KSR2: variants seen among roughly 807,000 people sequenced by gnomAD.
The protein encoded by KSR2 is kinase suppressor of ras 2.
KSR2 carries 25 observed loss-of-function variants against 107.8 expected under a neutral mutation model. The observed-to-expected ratio is 0.23, with a 90% confidence interval of 0.17 to 0.32. The LOEUF (loss-of-function observed/expected upper bound fraction) is 0.32. Among genes scored for constraint, KSR2 ranks in the 10% least tolerant of loss-of-function variants. The pLI is 1.00. For synonymous variants in KSR2, 480 were observed against 507.0 expected, an observed-to-expected ratio of 0.95 and a Z score of 0.71; for missense variants, 887 against 1,268.9, an observed-to-expected ratio of 0.70 and a Z score of 4.57.
At chr12:117,532,803 A>C (rs11068532) in intron 10 of KSR2, among the ~76,000 whole-genome samples, 3,756 of 152,258 alleles carry the variant, frequency 0.025, 163 homozygotes, top group African/African-American at 0.086. Flanking sequence ...CAGGGGACAC[A>C]GAGATTTGTG....
At chr12:117,964,684 G>T (rs375264638) in intron 1 of KSR2, among the ~76,000 whole-genome samples, 13 of 152,144 alleles carry the variant, frequency 8.5e-5, no homozygotes, top group African/African-American at 2.9e-4. Flanking sequence ...CCTTGAAAAC[G>T]TTATCTCTTT....
chr12:117,676,157 T>A (rs1035133345), intron 4 of KSR2, among the ~76,000 whole-genome samples: 2 of 152,144 alleles, frequency 1.3e-5, no homozygotes, highest in African/African-American at 2.4e-5. Context: ...CAAAGCCCCA[T>A]TAAGTGTAAC....
intron 1 of KSR2, among the ~76,000 whole-genome samples, chr12:117,864,569 T>C (rs996092596): frequency 7.2e-5 from 11 of 152,268 alleles, no homozygotes; most frequent in African/African-American, 2.6e-4. Flanking sequence ...GTTGGATGAT[T>C]CGAACAGCAA....
intron 14 of KSR2, among the ~76,000 whole-genome samples, chr12:117,488,256 C>T (rs547497063): frequency 5.9e-4 from 89 of 152,132 alleles, no homozygotes; most frequent in Non-Finnish European, 9.8e-4. Context: ...TTATTAGCAG[C>T]GTGAAAACGG....
chr12:117,733,910 A>G (rs1364977697), intron 4 of KSR2, among the ~76,000 whole-genome samples: 1 of 152,198 alleles, frequency 6.6e-6, no homozygotes, highest in Non-Finnish European at 1.5e-5. Flanking sequence ...CAAATGAAGG[A>G]GTCTTTGAAT....
rs1871788159 is a variant in KSR2 at position 117,476,482 on chromosome 12, G to C, written c.2564C>G (p.Ser855Cys). Residue 855 changes from serine (S) to cysteine (C), a missense_variant, in exon 17 of 20, where the codon TCT (serine) becomes TGT (cysteine). Ser to Cys is a moderately radical substitution (Grantham distance 112). This residue lies in a region of KSR2 where 308 missense variants were observed against 506.2 expected (regional missense o/e 0.61). Coordinates refer to ENST00000339824, the MANE Select transcript of KSR2 (RefSeq NM_173598.6). Reference protein sequence around the residue: ...EEDKLPFSKHSDVFALGTIWY... With the variant: ...EEDKLPFSKHCDVFALGTIWY... ...CACTTACCCAAGGGCAAAGACGTCAGAGTGCTTGGAGAAGGGGAGCTTATC... is the reference window on the plus strand; with the variant it reads ...CACTTACCCAAGGGCAAAGACGTCACAGTGCTTGGAGAAGGGGAGCTTATC... 1 of 1,603,872 alleles carries C rather than the reference G, an allele frequency of 6.2e-7. No homozygotes were observed. Among genetic ancestry groups the C allele is most frequent in the Non-Finnish European group, 8.5e-7 (1 of 1,175,316 alleles).
intron 4 of KSR2, among the ~76,000 whole-genome samples, chr12:117,722,798 C>T (rs142645565): frequency 1.1e-3 from 160 of 152,196 alleles, no homozygotes; most frequent in Non-Finnish European, 1.9e-3. Flanking sequence ...CTTTCTTGCC[C>T]GAGATCTAAG....
chr12:117,809,656 A>T (rs1593259312), intron 3 of KSR2, among the ~76,000 whole-genome samples: 1 of 152,214 alleles, frequency 6.6e-6, no homozygotes, highest in East Asian at 1.9e-4. Context: ...AAATTATATT[A>T]TGAATCAGTT....
At chr12:117,559,588 T>C (rs183582896) in intron 7 of KSR2, among the ~76,000 whole-genome samples, 14 of 152,318 alleles carry the variant, frequency 9.2e-5, no homozygotes, top group Non-Finnish European at 1.2e-4. Flanking sequence ...AGCCTCACGC[T>C]GTAGGACACA....
intron 12 of KSR2, 80 bp downstream of exon 12, chr12:117,530,861 G>A (rs778265098): frequency 1.6e-5 from 20 of 1,234,714 alleles, no homozygotes; most frequent in Non-Finnish European, 2.2e-5. Flanking sequence ...GAGAAGGAAA[G>A]AAGATAGGGA....
chr12:117,866,038 C>CTCTTTT (rs1555252031), intron 1 of KSR2, among the ~76,000 whole-genome samples: 6 of 124,236 alleles, frequency 4.8e-5, no homozygotes, highest in Non-Finnish European at 5.2e-5. Context: ...TAATCTCTCT[C>CTCTTTT]TTTTTTTTTT....
chr12:117,819,116 G>C (rs1891475055), intron 3 of KSR2, among the ~76,000 whole-genome samples: 2 of 152,062 alleles, frequency 1.3e-5, no homozygotes, highest in African/African-American at 4.8e-5. Flanking sequence ...TCAGGGGCTA[G>C]GTCTGTACCG....
rs190098928 is a variant in KSR2 at position 117,656,407 on chromosome 12, C to T, written c.1171+11067G>A. ...GGTGGATCACCTGAGGTTGGGAGTT[C>T]GAGACAAGCCTGACCAACATGGAGA... On this transcript the variant is annotated intron_variant, in intron 5 of 19. Coordinates refer to ENST00000339824, the MANE Select transcript of KSR2 (RefSeq NM_173598.6). Among the ~76,000 whole-genome samples, 631 of 152,152 alleles carry T rather than the reference C, an allele frequency of 4.1e-3. 4 individuals carry two copies. The highest frequency in any genetic ancestry group is 0.014 in the African/African-American group (567 of 41,496).
chr12:117,858,786 T>C (rs1893184767), intron 2 of KSR2, among the ~76,000 whole-genome samples: 1 of 152,198 alleles, frequency 6.6e-6, no homozygotes, highest in Non-Finnish European at 1.5e-5. Flanking sequence ...CTCACTTAGC[T>C]CTGAGCCTCA....
intron 4 of KSR2, among the ~76,000 whole-genome samples, chr12:117,756,838 T>C (rs478515): frequency 0.37 from 56,649 of 152,006 alleles, 11,320 homozygotes; most frequent in South Asian, 0.61. Context: ...GTGGATCACC[T>C]GAGGTCAGGA....
At chr12:117,472,560 C>T (rs1264095955) in intron 17 of KSR2, among the ~76,000 whole-genome samples, 1 of 152,162 alleles carries the variant, frequency 6.6e-6, no homozygotes, top group Non-Finnish European at 1.5e-5. Context: ...ACACAAAGCA[C>T]TCTGCTATCC....
chr12:117,858,113 T>A (rs1319793431), intron 2 of KSR2, among the ~76,000 whole-genome samples: 3 of 152,120 alleles, frequency 2.0e-5, no homozygotes, highest in Non-Finnish European at 4.4e-5. Context: ...ACTCTTTCGG[T>A]TTTTAAGTAT....
chr12:117,668,388 G>T (rs534878551), intron 4 of KSR2, among the ~76,000 whole-genome samples: 63 of 152,304 alleles, frequency 4.1e-4, no homozygotes, highest in African/African-American at 1.4e-3. Context: ...GAGGGAGGGT[G>T]CTCCACCAGA....
chr12:117,911,201 C>G (rs11068739), intron 1 of KSR2, among the ~76,000 whole-genome samples: 12,021 of 151,598 alleles, frequency 0.079, 686 homozygotes, highest in East Asian at 0.18. Flanking sequence ...CACACACACT[C>G]AAGAAACAAG....
Sources: gnomAD v4.1 joint callset for allele counts (sites outside exome capture counted in the v4.1 genomes callset) on GRCh38, gnomAD v4.1.1 for gene constraint, gnomAD v4.1.1 regional missense constraint, MANE v1.5 for transcripts, NCBI Gene and HGNC (gene_info 2026-07-23, HGNC 2026-07-21) for gene names.